The following FRAS1 variants were observed in gnomAD, a reference collection of about 807,000 sequenced individuals.
FRAS1 encodes the protein Fraser extracellular matrix complex subunit 1.
FRAS1 carries 290 observed loss-of-function variants against 435.2 expected under a neutral mutation model. The observed-to-expected ratio is 0.67, with a 90% CI of 0.61 to 0.73. FRAS1 has a LOEUF of 0.73. Ranked by LOEUF, FRAS1 falls within the 30% of genes least tolerant of loss-of-function variation. The pLI is 0.00. For missense variants in FRAS1, 4,860 were observed against 5,001.5 expected (o/e 0.97, Z 0.85); for synonymous variants, 1,800 against 1,851.0 (o/e 0.97, Z 0.71).
chr4:78,176,963 G>T (rs1337353396), intron 2 of FRAS1, among the ~76,000 whole-genome samples: 1 of 152,148 alleles, frequency 6.6e-6, no homozygotes. Context: ...AGGGACCTTT[G>T]TCTTGTATTG....
intron 2 of FRAS1, among the ~76,000 whole-genome samples, chr4:78,081,649 C>T (rs1560511260): frequency 6.6e-6 from 1 of 152,106 alleles, no homozygotes; most frequent in Non-Finnish European, 1.5e-5. Context: ...TTCCCAGCCC[C>T]TCTGTGGTAG....
intron 2 of FRAS1, among the ~76,000 whole-genome samples, chr4:78,147,472 A>G (rs1383617734): frequency 6.6e-6 from 1 of 152,114 alleles, no homozygotes; most frequent in Non-Finnish European, 1.5e-5. Context: ...CAGTTTTCCC[A>G]TCTATAAAAT....
intron 2 of FRAS1, among the ~76,000 whole-genome samples, chr4:78,116,258 T>C (rs1325472896): frequency 6.6e-6 from 1 of 152,202 alleles, no homozygotes; most frequent in East Asian, 1.9e-4. Flanking sequence ...AACTATGTAG[T>C]CAATTTTGGA....
At chr4:78,476,989 T>A (rs868259937) in intron 54 of FRAS1, among the ~76,000 whole-genome samples, 77 of 143,300 alleles carry the variant, frequency 5.4e-4, no homozygotes, top group African/African-American at 1.8e-3. Context: ...TCTTTCTTTT[T>A]AAAAAAAAAA....
intron 2 of FRAS1, among the ~76,000 whole-genome samples, chr4:78,133,909 A>T (rs1431264459): frequency 1.3e-5 from 2 of 151,366 alleles, no homozygotes; most frequent in Non-Finnish European, 2.9e-5. Context: ...TCCTCAGTAT[A>T]TACCTATGGT....
chr4:78,465,254 G>A (rs554457825), intron 49 of FRAS1, among the ~76,000 whole-genome samples: 2 of 152,306 alleles, frequency 1.3e-5, no homozygotes, highest in African/African-American at 4.8e-5. Context: ...TGTAGATGCC[G>A]AAGACAGGGC....
Position 78,507,407 on chromosome 4 carries a change from T to C in FRAS1, c.9317-14T>C. On this transcript the variant is annotated splice_polypyrimidine_tract_variant and intron_variant, in intron 61 of 73. Transcript: ENST00000512123. ...TGAAGCCTTTGCTCTCTTTTTGTTC[T>C]GTCCTTGGCGAAGGTGTGGATCATA... The C allele has an allele frequency of 6.2e-7, 1 of 1,600,732 alleles. No individual in the cohort carries two copies. The highest frequency in any genetic ancestry group is 8.5e-7 in the Non-Finnish European group (1 of 1,175,532).
intron 2 of FRAS1, among the ~76,000 whole-genome samples, chr4:78,139,135 A>G (rs761701867): frequency 6.6e-6 from 1 of 152,196 alleles, no homozygotes; most frequent in Non-Finnish European, 1.5e-5. Context: ...CTGAAATAAT[A>G]TGCTGCCTGA....
intron 15 of FRAS1, among the ~76,000 whole-genome samples, chr4:78,315,262 C>T (rs1729190780): frequency 6.6e-6 from 1 of 152,120 alleles, no homozygotes; most frequent in Non-Finnish European, 1.5e-5. Flanking sequence ...TTTTATGGAG[C>T]ATCTGATATT....
intron 28 of FRAS1, among the ~76,000 whole-genome samples, chr4:78,386,188 A>AAGTTTC (rs1732211739): frequency 1.3e-5 from 2 of 152,188 alleles, no homozygotes; most frequent in African/African-American, 4.8e-5. Flanking sequence ...AGAAACTTTT[A>AAGTTTC]TCATTTTAAG....
chr4:78,298,064 C>T (rs900340304), intron 14 of FRAS1, among the ~76,000 whole-genome samples: 1 of 125,004 alleles, frequency 8.0e-6, no homozygotes, highest in East Asian at 2.4e-4. Flanking sequence ...TACTAATCCT[C>T]TTTATATATA....
chr4:78,060,807 T>C (rs1457218985), intron 1 of FRAS1, among the ~76,000 whole-genome samples: 1 of 152,140 alleles, frequency 6.6e-6, no homozygotes, highest in Non-Finnish European at 1.5e-5. Flanking sequence ...GCTGCATTAT[T>C]AGTGGTCAAT....
intron 2 of FRAS1, among the ~76,000 whole-genome samples, chr4:78,135,414 C>T (rs994987531): frequency 1.1e-4 from 17 of 152,290 alleles, no homozygotes; most frequent in African/African-American, 3.9e-4. Flanking sequence ...AGAACTTTCT[C>T]ATAGGGACAT....
At chr4:78,322,074 G>A (rs867764721) in intron 18 of FRAS1, among the ~76,000 whole-genome samples, 2 of 152,244 alleles carry the variant, frequency 1.3e-5, no homozygotes, top group Middle Eastern at 3.4e-3. Flanking sequence ...TGAGAATGTG[G>A]CAGAAAGAGG....
chr4:78,266,717 A>C (rs2110154553), intron 7 of FRAS1, 117 bp from the exon 8 acceptor site: 1 of 735,954 alleles, frequency 1.4e-6, no homozygotes, highest in East Asian at 2.7e-5. Flanking sequence ...TCAAGAGTAC[A>C]TTCAATGTGG....
chr4:78,087,901 T>C (rs1319887057), intron 2 of FRAS1, among the ~76,000 whole-genome samples: 3 of 152,222 alleles, frequency 2.0e-5, no homozygotes, highest in East Asian at 3.8e-4. Context: ...CCAATGACTT[T>C]CTTCACAGAA....
intron 2 of FRAS1, among the ~76,000 whole-genome samples, chr4:78,132,863 T>TG (rs1719744989): frequency 6.6e-6 from 1 of 152,126 alleles, no homozygotes; most frequent in African/African-American, 2.4e-5. Context: ...AGGGCCTGCA[T>TG]GGAAGGAATG....
intron 50 of FRAS1, among the ~76,000 whole-genome samples, chr4:78,468,491 T>TCATCAC (rs1477593810): frequency 6.6e-6 from 1 of 151,776 alleles, no homozygotes; most frequent in Non-Finnish European, 1.5e-5. Context: ...GTAAACATCA[T>TCATCAC]CATCATCATC....
At position 78,500,588 on chromosome 4, in the gene FRAS1, C is replaced by T. The variant is rs1205146897; in HGVS notation, c.9316+667C>T. Among the ~76,000 whole-genome samples the T allele has an allele frequency of 3.9e-5, 6 of 152,230 alleles. No homozygotes were observed. The East Asian group carries it at 7.7e-4, about 20-fold the overall frequency. Reference sequence around the variant, plus strand: ...CTGGTATAGATCCTGACACCATTTGCGACGTAGCCAGAGGAGGGCAACAGT... The same window carrying T: ...CTGGTATAGATCCTGACACCATTTGTGACGTAGCCAGAGGAGGGCAACAGT... On this transcript the variant is annotated intron_variant, in intron 61 of 73. Coordinates refer to ENST00000512123, the MANE Select transcript of FRAS1 (RefSeq NM_025074.7).
Sources: allele counts gnomAD v4.1 joint callset (sites outside exome capture counted in the v4.1 genomes callset), GRCh38; gene constraint gnomAD v4.1.1; transcripts MANE v1.5; gene names NCBI Gene and HGNC (gene_info 2026-07-23, HGNC 2026-07-21).